The following FAM169A variants were observed in gnomAD, a reference collection of about 807,000 sequenced individuals.
FAM169A encodes the protein family with sequence similarity 169 member A.
In FAM169A, 24 loss-of-function variants were observed where a neutral mutation model predicts 75.7. The ratio of observed to expected loss-of-function variants is 0.32; its 90% CI spans 0.23 to 0.45. The LOEUF is 0.45. Among genes scored for constraint, FAM169A ranks in the 20% least tolerant of loss-of-function variants. The probability of loss-of-function intolerance (pLI) is 1.00; values close to 1 mark genes in which losing one functional copy is unlikely to be tolerated. For synonymous variants in FAM169A, 271 were observed against 271.0 expected, an observed-to-expected ratio of 1.00 and a Z score of 0.00; for missense variants, 673 against 784.0, an observed-to-expected ratio of 0.86 and a Z score of 1.69.
At chr5:74,808,939 AT>A (rs1213267716) in intron 6 of FAM169A, among the ~76,000 whole-genome samples, 1 of 152,214 alleles carries the variant, frequency 6.6e-6, no homozygotes, top group East Asian at 1.9e-4. Flanking sequence ...CTAGTCTATC[AT>A]TTTTTTCCCT....
intron 10 of FAM169A, among the ~76,000 whole-genome samples, chr5:74,797,766 C>G (rs1483067112): frequency 6.6e-6 from 1 of 152,166 alleles, no homozygotes; most frequent in Non-Finnish European, 1.5e-5. Context: ...ATTTCTCAGC[C>G]TTGGTGTAGA....
intron 1 of FAM169A, among the ~76,000 whole-genome samples, chr5:74,854,288 A>G (rs1749594367): frequency 6.6e-6 from 1 of 152,034 alleles, no homozygotes; most frequent in East Asian, 1.9e-4. Context: ...TTAACTACTC[A>G]AGAGGCTGAG....
intron 2 of FAM169A, among the ~76,000 whole-genome samples, chr5:74,841,013 T>A (rs1424299989): frequency 1.3e-5 from 2 of 152,162 alleles, no homozygotes; most frequent in East Asian, 3.9e-4. Flanking sequence ...AAAAATTCTT[T>A]AAGTCACCTC....
chr5:74,845,674 A>G (rs1021462516), intron 1 of FAM169A, among the ~76,000 whole-genome samples: 3 of 152,234 alleles, frequency 2.0e-5, no homozygotes, highest in Non-Finnish European at 4.4e-5. Context: ...GTAAATGTAA[A>G]TGTCTAAATT....
At chr5:74,858,342 C>A (rs1030238815) in intron 1 of FAM169A, among the ~76,000 whole-genome samples, 2 of 152,062 alleles carry the variant, frequency 1.3e-5, no homozygotes, top group Non-Finnish European at 2.9e-5. Context: ...GAGCCCAGAT[C>A]ACGCCACTGC....
At chr5:74,810,478 G>A (rs987081356) in intron 6 of FAM169A, among the ~76,000 whole-genome samples, 3 of 152,160 alleles carry the variant, frequency 2.0e-5, no homozygotes, top group Non-Finnish European at 4.4e-5. Context: ...GGCTGGGCGC[G>A]GTGGCTCACG....
At chr5:74,826,710 C>T (rs552545895) in intron 5 of FAM169A, among the ~76,000 whole-genome samples, 4 of 152,252 alleles carry the variant, frequency 2.6e-5, no homozygotes, top group Middle Eastern at 3.4e-3. Context: ...CCCATATACC[C>T]TTCACCCTAA....
At position 74,855,614 on chromosome 5, in the gene FAM169A, C is replaced by G. The variant is rs1047063555; in HGVS notation, c.-4+10551G>C. Among the ~76,000 whole-genome samples, 5 of 152,144 alleles carry G rather than the reference C, an allele frequency of 3.3e-5. No homozygotes were observed. In the East Asian group the frequency reaches 9.6e-4, roughly 29 times the overall value. ...GAAATATCTACTCAGATCTTTGGCT[C>G]ATTTTTTAATCAGATTATTACATGT... On this transcript the variant is annotated intron_variant, in intron 1 of 12. Coordinates refer to ENST00000687041, the MANE Select transcript of FAM169A (RefSeq NM_001376049.1).
At chr5:74,835,195 A>G (rs752511799) in intron 4 of FAM169A, among the ~76,000 whole-genome samples, 21 of 152,240 alleles carry the variant, frequency 1.4e-4, no homozygotes, top group Non-Finnish European at 2.5e-4. Flanking sequence ...TAATAAAAAC[A>G]TACTTAGGGC....
chr5:74,832,084 A>G (rs893243150), intron 5 of FAM169A, among the ~76,000 whole-genome samples: 2 of 152,084 alleles, frequency 1.3e-5, no homozygotes, highest in Non-Finnish European at 2.9e-5. Flanking sequence ...AATAAACACT[A>G]ATTTAAAAAT....
At position 74,779,409 on chromosome 5, in the gene FAM169A, G is replaced by A. The variant is rs1332021865; in HGVS notation, c.*2051C>T. 1 of 152,098 alleles carries A rather than the reference G, an allele frequency of 6.6e-6. No individual in the cohort carries two copies. Among genetic ancestry groups the A allele is most frequent in the Non-Finnish European group, 1.5e-5 (1 of 68,000 alleles). 9.4% of individuals were successfully genotyped at this position (152,098 alleles called of 1,614,324 possible). A position where few individuals can be genotyped will look rare whatever the true frequency, so the allele number is the denominator to read the frequency against. On this transcript the variant is annotated 3_prime_UTR_variant, in exon 13 of 13. Transcript: ENST00000687041. ...ACACAAATTCATGAAGCGTTTCCAT[G>A]TTTAAAATAATTTGAAAAGAAAGTA...
At chr5:74,798,835 T>C (rs1431539002) in intron 10 of FAM169A, among the ~76,000 whole-genome samples, 1 of 152,208 alleles carries the variant, frequency 6.6e-6, no homozygotes, top group Non-Finnish European at 1.5e-5. Flanking sequence ...TTATATCCAA[T>C]AGCCCAGTAA....
rs1223998561 is a variant in FAM169A at position 74,780,783 on chromosome 5, C to T, written c.*677G>A. 6.6e-6 allele frequency: 1 copy of T among 152,164 alleles called. No individual in the cohort carries two copies. The highest frequency in any genetic ancestry group is 1.9e-4 in the East Asian group (1 of 5,196). The allele number at this position is 152,164 out of a possible 1,614,324, so 9.4% of individuals were successfully genotyped here. Reference sequence around the variant, plus strand: ...CCACATGCCACAGTTAAATCCCTGACAGTACTGTTAACATCAGATGATAGA... The same window carrying T: ...CCACATGCCACAGTTAAATCCCTGATAGTACTGTTAACATCAGATGATAGA... On this transcript the variant is annotated 3_prime_UTR_variant, in exon 13 of 13. Coordinates refer to ENST00000687041, the MANE Select transcript of FAM169A (RefSeq NM_001376049.1).
intron 11 of FAM169A, among the ~76,000 whole-genome samples, chr5:74,786,345 A>C (rs1347082685): frequency 1.3e-5 from 2 of 152,226 alleles, no homozygotes; most frequent in African/African-American, 2.4e-5. Context: ...CTAGAGGAAC[A>C]GAATATTAAG....
intron 8 of FAM169A, among the ~76,000 whole-genome samples, chr5:74,803,026 A>G (rs1231976477): frequency 2.0e-5 from 3 of 152,148 alleles, no homozygotes. Flanking sequence ...AAATAGTTTA[A>G]TATGATAAAC....
intron 1 of FAM169A, 66 bp downstream of exon 1, chr5:74,866,099 C>A: frequency 3.6e-6 from 3 of 824,744 alleles, no homozygotes; most frequent in Non-Finnish European, 4.4e-6. Context: ...GGCGGGGGCG[C>A]GGGGCCCGGC....
intron 11 of FAM169A, among the ~76,000 whole-genome samples, chr5:74,794,015 A>AG (rs1372688647): frequency 6.6e-6 from 1 of 150,598 alleles, no homozygotes; most frequent in African/African-American, 2.4e-5. Flanking sequence ...AAAAAAAAAA[A>AG]AAAAAGAAAT....
chr5:74,780,720 A>T lies in FAM169A; in HGVS notation c.*740T>A, dbSNP rs961613845. 1 of 152,216 alleles carries T rather than the reference A, an allele frequency of 6.6e-6. No homozygotes were observed. The highest frequency in any genetic ancestry group is 2.4e-5 in the African/African-American group (1 of 41,458). 9.4% of individuals were successfully genotyped at this position (152,216 alleles called of 1,614,324 possible). ...ATATGCAGACAAAAAAAATTACAGC[A>T]AACTAATACTTCAAATGAAATTTTA... On this transcript the variant is annotated 3_prime_UTR_variant, in exon 13 of 13. Coordinates refer to ENST00000687041, the MANE Select transcript of FAM169A (RefSeq NM_001376049.1).
chr5:74,829,429 T>C (rs1333392874), intron 5 of FAM169A, among the ~76,000 whole-genome samples: 1 of 152,230 alleles, frequency 6.6e-6, no homozygotes, highest in Non-Finnish European at 1.5e-5. Flanking sequence ...CATTTTCCTA[T>C]GACACAGATC....
Sources: gnomAD v4.1 joint callset for allele counts (sites outside exome capture counted in the v4.1 genomes callset) on GRCh38, gnomAD v4.1.1 for gene constraint, MANE v1.5 for transcripts, NCBI Gene and HGNC (gene_info 2026-07-23, HGNC 2026-07-21) for gene names.